CLYBL: variants seen among roughly 807,000 people sequenced by gnomAD.
CLYBL encodes citramalyl-CoA lyase, mitochondrial.
In CLYBL, 31 loss-of-function variants were observed where a neutral mutation model predicts 38.9. The ratio of observed to expected loss-of-function variants is 0.80; its 90% CI spans 0.60 to 1.08. CLYBL has a LOEUF of 1.08. CLYBL is among the 50% of genes least tolerant of loss of function. The probability of loss-of-function intolerance (pLI) is 0.00; values close to 1 mark genes in which losing one functional copy is unlikely to be tolerated. For synonymous variants in CLYBL, 171 were observed against 158.6 expected (o/e 1.08, Z -0.59); for missense variants, 434 against 411.6 (o/e 1.05, Z -0.47).
chr13:99,658,133 C>G (rs576139821), intron 1 of CLYBL, among the ~76,000 whole-genome samples: 3 of 152,228 alleles, frequency 2.0e-5, no homozygotes, highest in Non-Finnish European at 4.4e-5. Context: ...GATGTGCGAG[C>G]AGAAGGCCGC....
chr13:99,732,507 G>A (rs1303438019), intron 1 of CLYBL, among the ~76,000 whole-genome samples: 2 of 151,968 alleles, frequency 1.3e-5, no homozygotes. Context: ...TTCTTTCTTT[G>A]GTTTCGGAGA....
chr13:99,623,414 C>T (rs763161242), intron 1 of CLYBL, among the ~76,000 whole-genome samples: 4 of 152,122 alleles, frequency 2.6e-5, no homozygotes, highest in Non-Finnish European at 5.9e-5. Flanking sequence ...TAAACCCTGG[C>T]CCCCATCTTG....
chr13:99,642,009 A>G (rs1447522116), intron 1 of CLYBL, among the ~76,000 whole-genome samples: 1 of 152,246 alleles, frequency 6.6e-6, no homozygotes, highest in East Asian at 1.9e-4. Context: ...TGCAGAAAAC[A>G]CATATGGGGA....
chr13:99,820,920 A>T (rs970675792), intron 2 of CLYBL, among the ~76,000 whole-genome samples: 1 of 152,216 alleles, frequency 6.6e-6, no homozygotes, highest in African/African-American at 2.4e-5. Context: ...GTACATTACC[A>T]TACATGTTTA....
intron 1 of CLYBL, among the ~76,000 whole-genome samples, chr13:99,657,667 A>G (rs895778781): frequency 2.6e-5 from 4 of 152,212 alleles, no homozygotes; most frequent in Non-Finnish European, 5.9e-5. Context: ...AGATTAAGGT[A>G]AAGTTCTAAC....
At chr13:99,827,344 C>A (rs1309475296) in intron 2 of CLYBL, among the ~76,000 whole-genome samples, 1 of 152,130 alleles carries the variant, frequency 6.6e-6, no homozygotes, top group Admixed American at 6.5e-5. Context: ...AAGGACCTGG[C>A]GCCACTGAGC....
At chr13:99,794,694 C>A (rs531752669) in intron 2 of CLYBL, among the ~76,000 whole-genome samples, 1 of 151,450 alleles carries the variant, frequency 6.6e-6, no homozygotes, top group East Asian at 1.9e-4. Flanking sequence ...TGAGTTCAAC[C>A]AATTCTCATG....
chr13:99,625,482 A>G (rs2139216864), intron 1 of CLYBL, among the ~76,000 whole-genome samples: 1 of 152,326 alleles, frequency 6.6e-6, no homozygotes, highest in East Asian at 1.9e-4. Flanking sequence ...GGGAATTAGT[A>G]AAAATGTTAA....
chr13:99,682,561 A>T (rs1318220790), intron 1 of CLYBL, among the ~76,000 whole-genome samples: 1 of 152,240 alleles, frequency 6.6e-6, no homozygotes, highest in African/African-American at 2.4e-5. Flanking sequence ...TGGAGCTTGC[A>T]GGACCTCATG....
Position 99,741,601 on chromosome 13 carries a change from G to T in CLYBL, c.63-31223G>T, listed in dbSNP as rs557822703. 1.4e-4 allele frequency among the ~76,000 whole-genome samples: 21 copies of T among 152,378 alleles called. No homozygotes were observed. In the South Asian group the frequency reaches 1.7e-3, roughly 12 times the overall value. On this transcript the variant is annotated intron_variant, in intron 1 of 8. Coordinates refer to ENST00000339105, the MANE Select transcript of CLYBL (RefSeq NM_206808.5). ...GAGTCCCACTCCGCCGCCCAGACAA[G>T]AGTGCAGTGGCATGATCTCAGCTCA...
At chr13:99,725,827 T>C (rs1427819484) in intron 1 of CLYBL, among the ~76,000 whole-genome samples, 2 of 152,166 alleles carry the variant, frequency 1.3e-5, no homozygotes, top group Non-Finnish European at 2.9e-5. Flanking sequence ...TCCTTTTTGG[T>C]TTACTCATTT....
chr13:99,871,668 T>C (rs2051903112), intron 7 of CLYBL, among the ~76,000 whole-genome samples: 1 of 152,200 alleles, frequency 6.6e-6, no homozygotes. Flanking sequence ...TTCTGCTATG[T>C]AAATATTGCA....
chr13:99,901,650 T>G (rs1292643024), downstream of CLYBL, among the ~76,000 whole-genome samples: 2 of 124,816 alleles, frequency 1.6e-5, no homozygotes, highest in Non-Finnish European at 3.3e-5. Context: ...TTTTTGTTTT[T>G]TTTTTTTGTT....
intron 2 of CLYBL, among the ~76,000 whole-genome samples, chr13:99,803,979 C>G (rs990737710): frequency 3.9e-5 from 6 of 152,178 alleles, no homozygotes; most frequent in African/African-American, 1.4e-4. Flanking sequence ...GAACAAGAAA[C>G]AGCGGAAGAT....
chr13:99,725,393 G>A (rs1212746427), intron 1 of CLYBL, among the ~76,000 whole-genome samples: 1 of 152,112 alleles, frequency 6.6e-6, no homozygotes, highest in Admixed American at 6.5e-5. Context: ...GAAAAGTGAG[G>A]GCTAACAATG....
Position 99,758,519 on chromosome 13 carries a change from A to G in CLYBL, c.63-14305A>G, listed in dbSNP as rs1380329394. ...CTTGTCACCTGCTGCAATTGTATTCATACGCTGTAGACAGTGCTGAATACA... is the reference window on the plus strand; with the variant it reads ...CTTGTCACCTGCTGCAATTGTATTCGTACGCTGTAGACAGTGCTGAATACA... On this transcript the variant is annotated intron_variant, in intron 1 of 8. Coordinates refer to ENST00000339105, the MANE Select transcript of CLYBL (RefSeq NM_206808.5). Among the ~76,000 whole-genome samples, 3 of 152,242 alleles carry G rather than the reference A, an allele frequency of 2.0e-5. No individual in the cohort carries two copies. In the East Asian group the frequency reaches 5.8e-4, roughly 29 times the overall value.
At chr13:99,617,930 A>G (rs2046737420) in intron 1 of CLYBL, among the ~76,000 whole-genome samples, 1 of 152,050 alleles carries the variant, frequency 6.6e-6, no homozygotes. Context: ...ACCCTGTACA[A>G]CATAGCCTCC....
At chr13:99,688,862 T>C (rs1414222546) in intron 1 of CLYBL, among the ~76,000 whole-genome samples, 3 of 152,216 alleles carry the variant, frequency 2.0e-5, no homozygotes, top group Admixed American at 2.0e-4. Flanking sequence ...GCTACATTAT[T>C]CTGAATATTT....
At chr13:99,763,395 A>G (rs999508072) in intron 1 of CLYBL, among the ~76,000 whole-genome samples, 11 of 152,126 alleles carry the variant, frequency 7.2e-5, no homozygotes, top group Non-Finnish European at 1.6e-4. Flanking sequence ...GAATTTTATC[A>G]AATGCTTTTT....
Sources: gnomAD v4.1 joint callset for allele counts (sites outside exome capture counted in the v4.1 genomes callset) on GRCh38, gnomAD v4.1.1 for gene constraint, MANE v1.5 for transcripts, NCBI Gene and HGNC (gene_info 2026-07-23, HGNC 2026-07-21) for gene names.